CREBBP: variants seen among roughly 807,000 people sequenced by gnomAD.
The protein encoded by CREBBP is CREB-binding protein.
In CREBBP, 19 loss-of-function variants were observed where a neutral mutation model predicts 265.0. That is an observed-to-expected ratio of 0.07 (90% CI 0.05 to 0.11). The LOEUF is 0.11. CREBBP is among the 10% of genes least tolerant of loss of function. The pLI is 1.00. For synonymous variants in CREBBP, 1,457 were observed against 1,223.7 expected, an observed-to-expected ratio of 1.19 and a Z score of -3.98; for missense variants, 2,525 against 3,219.0, an observed-to-expected ratio of 0.78 and a Z score of 5.22.
intron 5 of CREBBP, among the ~76,000 whole-genome samples, chr16:3,790,647 G>A (rs1040006540): frequency 1.3e-5 from 2 of 152,088 alleles, no homozygotes; most frequent in African/African-American, 4.8e-5. Context: ...ATTGCGCCTG[G>A]CCAGGAAACT....
At chr16:3,817,914 T>C (rs1453693175) in intron 2 of CREBBP, among the ~76,000 whole-genome samples, 1 of 152,136 alleles carries the variant, frequency 6.6e-6, no homozygotes, top group Non-Finnish European at 1.5e-5. Flanking sequence ...ATACCTGTCC[T>C]TGGAGGAAGG....
intron 3 of CREBBP, among the ~76,000 whole-genome samples, chr16:3,795,998 G>A (rs1425407271): frequency 6.6e-6 from 1 of 152,054 alleles, no homozygotes; most frequent in Non-Finnish European, 1.5e-5. Context: ...ACCCCAAGAA[G>A]GCCCACATCC....
chr16:3,815,403 G>A (rs2141363258), intron 2 of CREBBP, among the ~76,000 whole-genome samples: 1 of 151,938 alleles, frequency 6.6e-6, no homozygotes, highest in East Asian at 1.9e-4. Flanking sequence ...AGCTAGGCAT[G>A]GTGGTGCGTG....
chr16:3,725,512 G>A lies in CREBBP; in HGVS notation c.*2206C>T. On this transcript the variant is annotated 3_prime_UTR_variant, in exon 31 of 31. Transcript: ENST00000262367. ...TCCCTACGGGTGGAAAAGATGAAGA[G>A]GACACTGGAGGTTAAGAACCCAGCA... The A allele has an allele frequency of 4.3e-6, 1 of 233,346 alleles. No homozygotes were observed. The highest frequency in any genetic ancestry group is 8.5e-6 in the Non-Finnish European group (1 of 118,064). 14.5% of individuals were successfully genotyped at this position (233,346 alleles called of 1,614,324 possible).
intron 2 of CREBBP, among the ~76,000 whole-genome samples, chr16:3,823,829 T>C (rs1389475718): frequency 6.6e-6 from 1 of 152,078 alleles, no homozygotes; most frequent in African/African-American, 2.4e-5. Context: ...GTCAGACAGT[T>C]CCTATCGAGC....
intron 1 of CREBBP, among the ~76,000 whole-genome samples, chr16:3,868,491 C>T (rs1161866035): frequency 1.6e-5 from 2 of 128,814 alleles, no homozygotes; most frequent in African/African-American, 5.0e-5. Flanking sequence ...AGGAGCTCCC[C>T]CAATCACTCT....
rs1159688899 is a variant in CREBBP, at chr16:3,851,860, CAAAAAAAAAA to C, written c.86-861_86-852del. On this transcript the variant is annotated intron_variant, in intron 1 of 30. Coordinates refer to ENST00000262367, the MANE Select transcript of CREBBP (RefSeq NM_004380.3). ...TGGGCGACAGAGCGAGACTCCGTCT[CAAAAAAAAAA>C]AAAAAAAAAGACAAAACATTAGCCG... is the stretch of plus-strand genomic sequence containing the variant. Among the ~76,000 whole-genome samples, 173 of 28,966 alleles carry C rather than the reference CAAAAAAAAAA, an allele frequency of 6.0e-3. 2 individuals are homozygous for C. The highest frequency in any genetic ancestry group is 0.02 in the African/African-American group (166 of 8,126). 19.0% of individuals were successfully genotyped at this position (28,966 alleles called of 152,430 possible). A position where few individuals can be genotyped will look rare whatever the true frequency, so the allele number is the denominator to read the frequency against.
chr16:3,842,742 A>G (rs1429712881), intron 2 of CREBBP, among the ~76,000 whole-genome samples: 1 of 152,118 alleles, frequency 6.6e-6, no homozygotes, highest in African/African-American at 2.4e-5. Context: ...AGGTGGGCAG[A>G]TCACCTGAGG....
chr16:3,850,534 G>A lies in CREBBP; in HGVS notation c.561C>T (p.Gly187=), dbSNP rs1597053665. The change falls in exon 2 of 31, where the codon GGC becomes GGT. Residue 187 remains glycine, a synonymous_variant. Coordinates refer to ENST00000262367, the MANE Select transcript of CREBBP (RefSeq NM_004380.3). ...MNANFNQTHP[G]LLNSNSGHSL... ...TATGGCCAGAGTTACTATTGAGGAG[G>A]CCTGGGTGGGTCTGGTTAAAGTTAG... The A allele has an allele frequency of 1.9e-6, 3 of 1,614,104 alleles. No homozygotes were observed. Among genetic ancestry groups the A allele is most frequent in the South Asian group, 1.1e-5 (1 of 91,090 alleles).
chr16:3,838,175 T>C (rs879301235), intron 2 of CREBBP, among the ~76,000 whole-genome samples: 2 of 152,230 alleles, frequency 1.3e-5, no homozygotes, highest in Non-Finnish European at 2.9e-5. Flanking sequence ...TTTTCTACTA[T>C]ACCATTTCTA....
rs774292416 is a variant in CREBBP, at chr16:3,736,770, A to G, written c.4440T>C (p.Asp1480=). The G allele has an allele frequency of 3.1e-6, 5 of 1,614,086 alleles. No individual in the cohort carries two copies. The highest frequency in any genetic ancestry group is 1.6e-4 in the Middle Eastern group (1 of 6,084). ...HIWACPPSEG[D]DYIFHCHPPD... ...GTGGGTGGCAATGGAAGATGTAATC[A>G]TCTCCTTCACTTGGAGGACAGGCCC... Residue 1480 remains aspartate (D), a synonymous_variant, in exon 27 of 31, where the codon GAT becomes GAC. Coordinates refer to ENST00000262367, the MANE Select transcript of CREBBP (RefSeq NM_004380.3).
At position 3,782,843 on chromosome 16, in the gene CREBBP, T is replaced by A. The variant is rs1064796426; in HGVS notation, c.1414A>T (p.Asn472Tyr). The A allele has an allele frequency of 6.2e-7, 1 of 1,614,190 alleles. No homozygotes were observed. The highest frequency in any genetic ancestry group is 8.5e-7 in the Non-Finnish European group (1 of 1,180,046). Residue 472 changes from asparagine (N) to tyrosine (Y), a missense_variant, in exon 6 of 31, where the codon AAC becomes TAC. Around this residue, in one of 19 missense-constraint regions of CREBBP, gnomAD observed 48 missense variants for 70.2 expected, o/e 0.68. Coordinates refer to ENST00000262367, the MANE Select transcript of CREBBP (RefSeq NM_004380.3). ...GAGCTGGGGTCTATGGGATTTGGGT[T>A]ACTTAAAGAAGTGGCATTCTGTTGC... ...TGQQNATSLSNPNPIDPSSMQ... is the reference protein window; with the variant it reads ...TGQQNATSLSYPNPIDPSSMQ...
intron 5 of CREBBP, among the ~76,000 whole-genome samples, chr16:3,787,182 G>A (rs1279198081): frequency 6.6e-6 from 1 of 152,150 alleles, no homozygotes; most frequent in Non-Finnish European, 1.5e-5. Context: ...TTCCTACCTG[G>A]CACCTTCCTA....
intron 28 of CREBBP, among the ~76,000 whole-genome samples, chr16:3,734,468 C>T (rs2051999405): frequency 1.3e-5 from 2 of 152,214 alleles, no homozygotes; most frequent in Non-Finnish European, 2.9e-5. Context: ...GACAACCCCA[C>T]TGCTGCCATG....
intron 3 of CREBBP, among the ~76,000 whole-genome samples, chr16:3,802,160 C>G (rs1167931931): frequency 1.1e-5 from 1 of 92,538 alleles, no homozygotes; most frequent in Non-Finnish European, 1.9e-5. Context: ...GTGACAGAGT[C>G]TCGCTCTGTC....
chr16:3,739,514 G>A lies in CREBBP; in HGVS notation c.4280+64C>T. On this transcript the variant is annotated intron_variant, in intron 25 of 30. Coordinates refer to ENST00000262367, the MANE Select transcript of CREBBP (RefSeq NM_004380.3). The stretch of plus-strand genomic sequence containing the variant: ...TCACAGGCTCCTCTGGGACACTTAA[G>A]AGCCCTGGTCTATCCTAACACGGCT... 3 of 1,604,068 alleles carry A rather than the reference G, an allele frequency of 1.9e-6. No homozygotes were observed. The South Asian group carries it at 3.3e-5, about 18-fold the overall frequency.
intron 21 of CREBBP, among the ~76,000 whole-genome samples, chr16:3,747,155 T>G (rs1400404303): frequency 6.6e-6 from 1 of 152,194 alleles, no homozygotes; most frequent in Non-Finnish European, 1.5e-5. Context: ...TCTCCTGCTT[T>G]GTGTCTCTTA....
intron 19 of CREBBP, among the ~76,000 whole-genome samples, chr16:3,755,998 G>A (rs2052577648): frequency 6.6e-6 from 1 of 151,720 alleles, no homozygotes; most frequent in Non-Finnish European, 1.5e-5. Flanking sequence ...GATTTTGATG[G>A]GAGTTATTAC....
At chr16:3,748,998 T>C (rs2151365819) in intron 21 of CREBBP, among the ~76,000 whole-genome samples, 1 of 152,100 alleles carries the variant, frequency 6.6e-6, no homozygotes, top group South Asian at 2.1e-4. Context: ...ATACAAAAAA[T>C]TAGCCAGGCG....
Sources: allele counts gnomAD v4.1 joint callset (sites outside exome capture counted in the v4.1 genomes callset), GRCh38; gene constraint gnomAD v4.1.1; regional missense constraint gnomAD v4.1.1; transcripts MANE v1.5; gene names NCBI Gene and HGNC (gene_info 2026-07-23, HGNC 2026-07-21).